Variants in CTNNA3 observed in about 807,000 individuals in gnomAD.
CTNNA3 encodes catenin alpha 3.
Under a neutral mutation model 95.7 loss-of-function variants are expected in CTNNA3, and 76 were observed. The ratio of observed to expected loss-of-function variants is 0.79; its 90% confidence interval spans 0.66 to 0.96. The LOEUF (loss-of-function observed/expected upper bound fraction) is 0.96, where lower values mean the gene tolerates loss of function less well. Among genes scored for constraint, CTNNA3 ranks in the 40% least tolerant of loss-of-function variants. The pLI, the probability that CTNNA3 is intolerant of heterozygous loss-of-function variation, is 0.00. For synonymous variants in CTNNA3, 431 were observed against 374.4 expected (o/e 1.15, Z -1.74); for missense variants, 1,191 against 1,089.8 (o/e 1.09, Z -1.31).
At chr10:67,687,936 A>G (rs1028760456) in intron 1 of CTNNA3, among the ~76,000 whole-genome samples, 2 of 152,088 alleles carry the variant, frequency 1.3e-5, no homozygotes, top group Non-Finnish European at 2.9e-5. Flanking sequence ...CATACTGGGG[A>G]TGGCTTGCTG....
At chr10:66,361,394 T>A (rs2092673909) in intron 12 of CTNNA3, among the ~76,000 whole-genome samples, 7 of 129,478 alleles carry the variant, frequency 5.4e-5, no homozygotes, top group African/African-American at 1.8e-4. Flanking sequence ...TCCTTCCTTC[T>A]TCCCTTCCAC....
At chr10:67,636,988 C>T (rs1280052103) in intron 2 of CTNNA3, among the ~76,000 whole-genome samples, 1 of 152,224 alleles carries the variant, frequency 6.6e-6, no homozygotes, top group Non-Finnish European at 1.5e-5. Flanking sequence ...CAGCTCCTCA[C>T]TAGCAACGTA....
At chr10:67,040,238 G>A (rs996224737) in intron 7 of CTNNA3, among the ~76,000 whole-genome samples, 8 of 151,996 alleles carry the variant, frequency 5.3e-5, no homozygotes, top group Non-Finnish European at 7.4e-5. Flanking sequence ...ACATTTGCTC[G>A]GTCTACATGT....
At chr10:66,204,962 A>C (rs2087667217) in intron 13 of CTNNA3, among the ~76,000 whole-genome samples, 1 of 152,304 alleles carries the variant, frequency 6.6e-6, no homozygotes, top group Non-Finnish European at 1.5e-5. Context: ...AATTAAGCTA[A>C]GAATCTATCA....
chr10:66,427,238 A>C (rs74143928), intron 11 of CTNNA3, among the ~76,000 whole-genome samples: 2,318 of 152,150 alleles, frequency 0.015, 76 homozygotes, highest in African/African-American at 0.053. Context: ...ATTGGAGCCC[A>C]GGATACCTTT....
intron 1 of CTNNA3, among the ~76,000 whole-genome samples, chr10:67,748,481 A>G (rs184650335): frequency 3.2e-4 from 48 of 152,324 alleles, no homozygotes; most frequent in African/African-American, 1.1e-3. Context: ...TTTCCAACCC[A>G]GAATTTCATA....
chr10:67,441,445 A>C lies in CTNNA3; in HGVS notation c.579+80397T>G, dbSNP rs1846510627. On this transcript the variant is annotated intron_variant, in intron 5 of 17. Coordinates refer to ENST00000433211, the MANE Select transcript of CTNNA3 (RefSeq NM_013266.4). Reference sequence around the variant, plus strand: ...CCCAAACCCAGAGAAAGATATCAACATTCAAATACAAGAAGACTATAGAAC... The same window carrying C: ...CCCAAACCCAGAGAAAGATATCAACCTTCAAATACAAGAAGACTATAGAAC... Among the ~76,000 whole-genome samples the C allele has an allele frequency of 2.6e-5, 4 of 152,246 alleles. No individual in the cohort carries two copies. In the South Asian group the frequency reaches 8.3e-4, roughly 32 times the overall value.
intron 1 of CTNNA3, among the ~76,000 whole-genome samples, chr10:67,725,103 A>C (rs1225433729): frequency 6.6e-6 from 1 of 152,014 alleles, no homozygotes; most frequent in African/African-American, 2.4e-5. Context: ...TGATAAAACA[A>C]CGGATTCGTA....
chr10:66,941,518 T>A lies in CTNNA3; in HGVS notation c.1048-165994A>T, dbSNP rs980483615. On this transcript the variant is annotated intron_variant, in intron 7 of 17. Transcript: ENST00000433211. ...ATCTTCACCTCTTTCCTTTCAACTG[T>A]ATGGAATTTGAATCTGACAAACAAC... 2.0e-5 allele frequency among the ~76,000 whole-genome samples: 3 copies of A among 152,260 alleles called. No homozygotes were observed. In the East Asian group the frequency reaches 5.8e-4, roughly 29 times the overall value.
At position 66,796,498 on chromosome 10, in the gene CTNNA3, T is replaced by C. The variant is rs190195017; in HGVS notation, c.1048-20974A>G. Among the ~76,000 whole-genome samples, 410 of 152,066 alleles carry C rather than the reference T, an allele frequency of 2.7e-3. 10 individuals carry two copies. The highest frequency in any genetic ancestry group is 6.8e-3 in the Middle Eastern group (2 of 294). On this transcript the variant is annotated intron_variant, in intron 7 of 17. Coordinates refer to ENST00000433211, the MANE Select transcript of CTNNA3 (RefSeq NM_013266.4). The stretch of plus-strand genomic sequence containing the variant: ...GCTGATCACAGACCACTGTAACAGA[T>C]ATAAAAATAATTTAAAAATTTAAAA...
intron 9 of CTNNA3, among the ~76,000 whole-genome samples, chr10:66,763,331 C>CAGAGAG (rs1297169147): frequency 1.7e-3 from 110 of 64,418 alleles, no homozygotes; most frequent in South Asian, 4.0e-3. Flanking sequence ...CACACACACA[C>CAGAGAG]ACACACACAC....
intron 13 of CTNNA3, among the ~76,000 whole-genome samples, chr10:66,257,224 T>C (rs577223944): frequency 4.7e-4 from 72 of 152,332 alleles, no homozygotes; most frequent in Middle Eastern, 3.4e-3. Flanking sequence ...GTAAATCTGA[T>C]TGTGGCTAAA....
chr10:66,694,860 T>C (rs1847698544), intron 9 of CTNNA3, among the ~76,000 whole-genome samples: 1 of 152,182 alleles, frequency 6.6e-6, no homozygotes, highest in Non-Finnish European at 1.5e-5. Flanking sequence ...GAAAATGCCA[T>C]TTTTAAATTT....
chr10:66,402,679 T>C (rs1370976129), intron 11 of CTNNA3, among the ~76,000 whole-genome samples: 1 of 152,028 alleles, frequency 6.6e-6, no homozygotes, highest in African/African-American at 2.4e-5. Flanking sequence ...TAGAAATAAA[T>C]AAGGAAAATA....
At chr10:67,492,040 G>A (rs1001268231) in intron 5 of CTNNA3, among the ~76,000 whole-genome samples, 2 of 151,954 alleles carry the variant, frequency 1.3e-5, no homozygotes, top group African/African-American at 2.4e-5. Context: ...TAAAGATATG[G>A]GAATCATCCA....
intron 5 of CTNNA3, among the ~76,000 whole-genome samples, chr10:67,254,700 T>A (rs1344967557): frequency 6.6e-6 from 1 of 152,230 alleles, no homozygotes; most frequent in Non-Finnish European, 1.5e-5. Context: ...TGTTTAGATA[T>A]GCTTAAGTAA....
chr10:66,079,659 A>T (rs1347210446), intron 14 of CTNNA3, among the ~76,000 whole-genome samples: 1 of 151,970 alleles, frequency 6.6e-6, no homozygotes, highest in Non-Finnish European at 1.5e-5. Context: ...AGAATTCTAA[A>T]TATGGCATTT....
At chr10:67,727,327 T>C (rs1841240982) in intron 1 of CTNNA3, among the ~76,000 whole-genome samples, 1 of 133,272 alleles carries the variant, frequency 7.5e-6, no homozygotes, top group South Asian at 2.2e-4. Flanking sequence ...ATTATATATT[T>C]ATATATTATT....
intron 7 of CTNNA3, among the ~76,000 whole-genome samples, chr10:66,891,967 A>G: frequency 6.6e-6 from 1 of 152,152 alleles, no homozygotes; most frequent in Non-Finnish European, 1.5e-5. Context: ...GCCATTGCCA[A>G]ACATGTAACC....
Sources: gnomAD v4.1 joint callset for allele counts (sites outside exome capture counted in the v4.1 genomes callset) on GRCh38, gnomAD v4.1.1 for gene constraint, MANE v1.5 for transcripts, NCBI Gene and HGNC (gene_info 2026-07-23, HGNC 2026-07-21) for gene names.